CCDC91: variants seen among roughly 807,000 people sequenced by gnomAD.
CCDC91 encodes the protein coiled-coil domain-containing protein 91.
Under a neutral mutation model 63.2 loss-of-function variants are expected in CCDC91, and 48 were observed. The ratio of observed to expected loss-of-function variants is 0.76; its 90% CI spans 0.60 to 0.97. The LOEUF (loss-of-function observed/expected upper bound fraction) is 0.97, where lower values mean the gene tolerates loss of function less well. Among genes scored for constraint, CCDC91 ranks in the 50% least tolerant of loss-of-function variants. The probability of loss-of-function intolerance (pLI) is 0.00; values close to 1 mark genes in which losing one functional copy is unlikely to be tolerated. For synonymous variants in CCDC91, 167 were observed against 165.8 expected (o/e 1.01, Z -0.06); for missense variants, 500 against 494.6 (o/e 1.01, Z -0.10).
chr12:28,501,659 T>A (rs1937891541), intron 12 of CCDC91, among the ~76,000 whole-genome samples: 1 of 151,858 alleles, frequency 6.6e-6, no homozygotes. Flanking sequence ...GATATTGGTC[T>A]AAAATTCTCT....
chr12:28,400,389 T>C (rs948207238), intron 8 of CCDC91, among the ~76,000 whole-genome samples: 2 of 137,496 alleles, frequency 1.5e-5, no homozygotes, highest in Non-Finnish European at 3.1e-5. Flanking sequence ...AAACTATTTT[T>C]CCCCCCTAGG....
intron 3 of CCDC91, among the ~76,000 whole-genome samples, chr12:28,273,369 T>C (rs1397271598): frequency 6.6e-6 from 1 of 152,194 alleles, no homozygotes; most frequent in East Asian, 1.9e-4. Flanking sequence ...ATGGGATTGC[T>C]GGGTCAAATG....
At chr12:28,275,588 A>G (rs1176829230) in intron 3 of CCDC91, among the ~76,000 whole-genome samples, 1 of 152,300 alleles carries the variant, frequency 6.6e-6, no homozygotes, top group East Asian at 1.9e-4. Context: ...TCCAATCAAT[A>G]GAAAACGAGG....
intron 3 of CCDC91, chr12:28,268,780 T>C (rs1947537225): frequency 3.7e-6 from 2 of 540,312 alleles, no homozygotes; most frequent in Non-Finnish European, 4.7e-6. Flanking sequence ...TGTGGATGAA[T>C]AGTGCAATAT....
At chr12:28,221,122 T>G (rs1237925749) in intron 1 of CCDC91, among the ~76,000 whole-genome samples, 1 of 152,150 alleles carries the variant, frequency 6.6e-6, no homozygotes, top group Non-Finnish European at 1.5e-5. Flanking sequence ...TGTACTTTAT[T>G]TTGAATAGTT....
At position 28,201,888 on chromosome 12, in the gene CCDC91, C is replaced by T. The variant is rs1220152417; in HGVS notation, c.-15+11247C>T. Among the ~76,000 whole-genome samples, 30 of 145,836 alleles carry T rather than the reference C, an allele frequency of 2.1e-4. 2 individuals are homozygous for T. The highest frequency in any genetic ancestry group is 5.8e-4 in the African/African-American group (23 of 39,768). On this transcript the variant is annotated intron_variant, in intron 1 of 12. Transcript: ENST00000536442. ...CAAAAAAATACAAAAACCAGTGAGG[C>T]GTGGCGTCGCGTGCCTGCAATAGCA...
intron 1 of CCDC91, among the ~76,000 whole-genome samples, chr12:28,193,125 T>C (rs1305562053): frequency 6.6e-6 from 1 of 152,266 alleles, no homozygotes; most frequent in African/African-American, 2.4e-5. Flanking sequence ...TATATCATAG[T>C]ATGTTTATTC....
At chr12:28,473,583 T>C (rs1396855648) in intron 11 of CCDC91, among the ~76,000 whole-genome samples, 2 of 152,166 alleles carry the variant, frequency 1.3e-5, no homozygotes, top group African/African-American at 4.8e-5. Context: ...TTTCTCACCT[T>C]TTTTGAAAAG....
At chr12:28,475,404 A>G (rs1327686298) in intron 11 of CCDC91, among the ~76,000 whole-genome samples, 1 of 152,108 alleles carries the variant, frequency 6.6e-6, no homozygotes, top group African/African-American at 2.4e-5. Context: ...CCTTTCTTAC[A>G]GTGATTTATA....
chr12:28,534,419 G>GTTCTTA (rs1941989430), intron 12 of CCDC91, among the ~76,000 whole-genome samples: 1 of 152,152 alleles, frequency 6.6e-6, no homozygotes, highest in Non-Finnish European at 1.5e-5. Context: ...TGTAGAGGGA[G>GTTCTTA]CATCAAATAG....
chr12:28,519,571 C>CT lies in CCDC91; in HGVS notation c.1216-29484dup, dbSNP rs1249413580. Among the ~76,000 whole-genome samples the CT allele has an allele frequency of 3.4e-5, 5 of 148,238 alleles. No homozygotes were observed. In the East Asian group the frequency reaches 9.9e-4, roughly 29 times the overall value. ...TATCTTTCTCTTTTCTTTTTTTTTT[C>CT]TTTTTTTTATTATTATACTTCAAGT... is the stretch of plus-strand genomic sequence containing the variant. On this transcript the variant is annotated intron_variant, in intron 12 of 12. Coordinates refer to ENST00000536442, the MANE Select transcript of CCDC91 (RefSeq NM_018318.5).
intron 6 of CCDC91, among the ~76,000 whole-genome samples, chr12:28,344,675 A>G (rs1942682233): frequency 6.6e-6 from 1 of 152,186 alleles, no homozygotes; most frequent in Admixed American, 6.5e-5. Flanking sequence ...TCTACTTTGA[A>G]TGCATTTTCA....
chr12:28,293,069 AT>A (rs1302818024), intron 3 of CCDC91, among the ~76,000 whole-genome samples: 1 of 152,212 alleles, frequency 6.6e-6, no homozygotes, highest in Non-Finnish European at 1.5e-5. Flanking sequence ...AAGAAAGAAG[AT>A]TTTAATTTCA....
At chr12:28,463,686 C>T (rs767216764) in intron 11 of CCDC91, among the ~76,000 whole-genome samples, 4 of 152,138 alleles carry the variant, frequency 2.6e-5, no homozygotes, top group Non-Finnish European at 4.4e-5. Flanking sequence ...TGACTGACAA[C>T]ATTTGCTTCT....
At chr12:28,444,945 T>C (rs369531815) in intron 8 of CCDC91, among the ~76,000 whole-genome samples, 22 of 152,272 alleles carry the variant, frequency 1.4e-4, no homozygotes, top group African/African-American at 4.8e-4. Context: ...GCAGAGAATA[T>C]CCTGCACCAA....
intron 11 of CCDC91, among the ~76,000 whole-genome samples, chr12:28,457,154 GAAC>G (rs1950093591): frequency 6.6e-6 from 1 of 151,982 alleles, no homozygotes; most frequent in Non-Finnish European, 1.5e-5. Flanking sequence ...TCACCACTAC[GAAC>G]AACAGCTTCT....
chr12:28,403,967 A>C (rs1258662071), intron 8 of CCDC91, among the ~76,000 whole-genome samples: 1 of 151,892 alleles, frequency 6.6e-6, no homozygotes, highest in Non-Finnish European at 1.5e-5. Context: ...GATCTTTTCA[A>C]ACAACCAGCT....
intron 8 of CCDC91, among the ~76,000 whole-genome samples, chr12:28,443,707 T>C (rs1469114474): frequency 6.6e-6 from 1 of 152,170 alleles, no homozygotes; most frequent in African/African-American, 2.4e-5. Flanking sequence ...ACTATTAGCA[T>C]GTACTCTTGA....
At chr12:28,501,649 G>T (rs1293022844) in intron 12 of CCDC91, among the ~76,000 whole-genome samples, 1 of 151,666 alleles carries the variant, frequency 6.6e-6, no homozygotes, top group Non-Finnish European at 1.5e-5. Context: ...GTTCATCAAG[G>T]ATATTGGTCT....
Sources: gnomAD v4.1 joint callset for allele counts (sites outside exome capture counted in the v4.1 genomes callset) on GRCh38, gnomAD v4.1.1 for gene constraint, MANE v1.5 for transcripts, NCBI Gene and HGNC (gene_info 2026-07-23, HGNC 2026-07-21) for gene names.